UHRF2: variants seen among roughly 807,000 people sequenced by gnomAD.
The protein encoded by UHRF2 is ubiquitin like with PHD and ring finger domains 2.
Under a neutral mutation model 96.8 loss-of-function variants are expected in UHRF2, and 23 were observed. The observed-to-expected ratio is 0.24, with a 90% CI of 0.17 to 0.34. The LOEUF is 0.34. Among genes scored for constraint, UHRF2 ranks in the 10% least tolerant of loss-of-function variants. UHRF2 has a pLI of 1.00. For synonymous variants in UHRF2, 385 were observed against 332.6 expected (o/e 1.16, Z -1.72); for missense variants, 685 against 981.5 (o/e 0.70, Z 4.04).
chr9:6,495,276 G>A (rs1273492426), intron 10 of UHRF2: 1 of 152,152 alleles, frequency 6.6e-6, no homozygotes, highest in Non-Finnish European at 1.5e-5. Context: ...CAGTAAACAT[G>A]TTTTCTATAA....
chr9:6,452,375 AAG>A (rs1241584891), intron 3 of UHRF2, among the ~76,000 whole-genome samples: 1 of 152,222 alleles, frequency 6.6e-6, no homozygotes, highest in Non-Finnish European at 1.5e-5. Context: ...ATGCCCCTCT[AAG>A]AGGGGAAAAT....
intron 1 of UHRF2, among the ~76,000 whole-genome samples, chr9:6,420,381 G>A (rs1819859938): frequency 1.3e-5 from 2 of 150,116 alleles, no homozygotes; most frequent in Admixed American, 6.6e-5. Context: ...ATGGCTAGCA[G>A]TGTTCTCTGT....
chr9:6,457,703 GT>G (rs1390366107), intron 3 of UHRF2, among the ~76,000 whole-genome samples: 3 of 152,172 alleles, frequency 2.0e-5, no homozygotes, highest in Non-Finnish European at 4.4e-5. Flanking sequence ...TTTATTGAGA[GT>G]TTTTAGCATG....
chr9:6,500,468 A>G (rs1222797460), intron 13 of UHRF2, 84 bp from the exon 14 acceptor site: 17 of 1,178,952 alleles, frequency 1.4e-5, no homozygotes, highest in Admixed American at 1.1e-4. Flanking sequence ...GCTAAACATT[A>G]CTTGTGCCAG....
chr9:6,506,818 G>A lies in UHRF2; in HGVS notation c.*639G>A, dbSNP rs1222669900. 6.6e-6 allele frequency: 1 copy of A among 152,586 alleles called. No individual in the cohort carries two copies. Among genetic ancestry groups the A allele is most frequent in the Non-Finnish European group, 1.5e-5 (1 of 68,044 alleles). 9.5% of individuals were successfully genotyped at this position (152,586 alleles called of 1,614,324 possible). ...TGTTGCTGCATTAGTGTAATGTGGT[G>A]TGGTTTTGCACTTAAAAGAGGTATT... On this transcript the variant is annotated 3_prime_UTR_variant, in exon 16 of 16. Coordinates refer to ENST00000276893, the MANE Select transcript of UHRF2 (RefSeq NM_152896.3).
chr9:6,476,580 G>A (rs577306494), intron 5 of UHRF2, among the ~76,000 whole-genome samples: 4 of 151,994 alleles, frequency 2.6e-5, no homozygotes, highest in African/African-American at 9.6e-5. Flanking sequence ...ATTCATGATG[G>A]GGCTTTTTTT....
intron 11 of UHRF2, 84 bp from the exon 12 acceptor site, chr9:6,497,934 G>T: frequency 6.6e-7 from 1 of 1,521,458 alleles, no homozygotes. Context: ...ATTTAGTTCT[G>T]GCAAAGATTA....
At chr9:6,424,483 ATTAC>A (rs1005389577) in intron 2 of UHRF2, among the ~76,000 whole-genome samples, 2 of 152,154 alleles carry the variant, frequency 1.3e-5, no homozygotes, top group African/African-American at 4.8e-5. Context: ...TTTTTACATT[ATTAC>A]TTTTTTATTT....
intron 2 of UHRF2, among the ~76,000 whole-genome samples, chr9:6,432,204 C>T (rs1422878265): frequency 6.6e-6 from 1 of 152,084 alleles, no homozygotes; most frequent in Non-Finnish European, 1.5e-5. Context: ...CTAAACTGTT[C>T]ATTCTTGTGT....
intron 8 of UHRF2, among the ~76,000 whole-genome samples, chr9:6,486,523 G>T (rs1229800638): frequency 6.6e-6 from 1 of 152,184 alleles, no homozygotes; most frequent in Non-Finnish European, 1.5e-5. Context: ...ATAGACATAA[G>T]ATGATTATTT....
At chr9:6,454,491 G>A (rs942470463) in intron 3 of UHRF2, among the ~76,000 whole-genome samples, 3 of 152,182 alleles carry the variant, frequency 2.0e-5, no homozygotes, top group African/African-American at 7.2e-5. Flanking sequence ...TCAGTATCAA[G>A]TACCTTCTCT....
intron 8 of UHRF2, among the ~76,000 whole-genome samples, chr9:6,485,790 C>T (rs1446705498): frequency 4.3e-5 from 6 of 141,060 alleles, no homozygotes; most frequent in African/African-American, 1.6e-4. Context: ...ATGGTGAGAC[C>T]CCTGTCTCTA....
chr9:6,494,186 A>G (rs866543232), intron 10 of UHRF2: 1 of 361,146 alleles, frequency 2.8e-6, no homozygotes, highest in Non-Finnish European at 4.9e-6. Context: ...ACAACTTTGA[A>G]GGAAAGGAGC....
intron 3 of UHRF2, among the ~76,000 whole-genome samples, chr9:6,457,204 T>C (rs1822236472): frequency 6.6e-6 from 1 of 152,118 alleles, no homozygotes. Flanking sequence ...TTGTAGTTCT[T>C]TTTGGTGAGG....
chr9:6,492,613 T>C (rs1824725738), intron 9 of UHRF2: 1 of 153,302 alleles, frequency 6.5e-6, no homozygotes, highest in Non-Finnish European at 1.5e-5. Context: ...AATTGACTTC[T>C]ATAATACGAA....
intron 3 of UHRF2, among the ~76,000 whole-genome samples, chr9:6,451,962 A>G (rs1192685064): frequency 6.6e-6 from 1 of 152,108 alleles, no homozygotes; most frequent in Non-Finnish European, 1.5e-5. Flanking sequence ...TGTTTTAATA[A>G]AAGTGTATTG....
At chr9:6,498,252 T>C in intron 12 of UHRF2, 94 bp downstream of exon 12, 1 of 1,340,504 alleles carries the variant, frequency 7.5e-7, no homozygotes, top group Non-Finnish European at 1.0e-6. Flanking sequence ...CCCACAGCAA[T>C]TGACTGGTGG....
At chr9:6,452,907 C>G (rs1821957468) in intron 3 of UHRF2, among the ~76,000 whole-genome samples, 1 of 152,064 alleles carries the variant, frequency 6.6e-6, no homozygotes, top group South Asian at 2.1e-4. Flanking sequence ...CTGAAGATGC[C>G]CAGGAAAATA....
chr9:6,473,087 A>G (rs1005728426), intron 4 of UHRF2, among the ~76,000 whole-genome samples: 3 of 152,114 alleles, frequency 2.0e-5, no homozygotes, highest in African/African-American at 4.8e-5. Flanking sequence ...ACTGAAAGAA[A>G]CTCCTGGCTG....
Sources: gnomAD v4.1 joint callset for allele counts (sites outside exome capture counted in the v4.1 genomes callset) on GRCh38, gnomAD v4.1.1 for gene constraint, MANE v1.5 for transcripts, NCBI Gene and HGNC (gene_info 2026-07-23, HGNC 2026-07-21) for gene names.